PPP2R3A: variants seen among roughly 807,000 people sequenced by gnomAD.
The protein encoded by PPP2R3A is protein phosphatase 2 regulatory subunit B''alpha.
Under a neutral mutation model 106.9 loss-of-function variants are expected in PPP2R3A, and 80 were observed. The ratio of observed to expected loss-of-function variants is 0.75; its 90% CI spans 0.62 to 0.90. The LOEUF (loss-of-function observed/expected upper bound fraction) is 0.90, where lower values mean the gene tolerates loss of function less well. PPP2R3A is among the 40% of genes least tolerant of loss of function. The pLI is 0.00. For synonymous variants in PPP2R3A, 483 were observed against 468.3 expected (o/e 1.03, Z -0.41); for missense variants, 1,386 against 1,350.4 (o/e 1.03, Z -0.41).
chr3:135,984,262 T>C (rs1187504295), intron 1 of PPP2R3A, among the ~76,000 whole-genome samples: 2 of 152,176 alleles, frequency 1.3e-5, no homozygotes, highest in Non-Finnish European at 2.9e-5. Flanking sequence ...AGACATAGTA[T>C]ATGACAAAAG....
At chr3:136,112,722 C>A (rs1289899646) in intron 13 of PPP2R3A, among the ~76,000 whole-genome samples, 1 of 152,142 alleles carries the variant, frequency 6.6e-6, no homozygotes, top group Admixed American at 6.5e-5. Flanking sequence ...TGCTCGTGGA[C>A]AGGAAGAATC....
At chr3:135,999,614 A>G (rs925200306) in intron 1 of PPP2R3A, among the ~76,000 whole-genome samples, 9 of 151,976 alleles carry the variant, frequency 5.9e-5, no homozygotes, top group Non-Finnish European at 1.0e-4. Flanking sequence ...AGTTGGTGCT[A>G]CCCCTTGAGG....
At chr3:136,034,880 A>C (rs764953138) in intron 3 of PPP2R3A, among the ~76,000 whole-genome samples, 8 of 152,052 alleles carry the variant, frequency 5.3e-5, no homozygotes, top group Non-Finnish European at 8.8e-5. Context: ...TCTATTAGTA[A>C]TTGTTTTATA....
At chr3:136,010,805 C>T (rs760630951) in intron 2 of PPP2R3A, among the ~76,000 whole-genome samples, 51 of 152,250 alleles carry the variant, frequency 3.3e-4, no homozygotes, top group Middle Eastern at 3.4e-3. Flanking sequence ...CACAAACACT[C>T]CTGCAGAGAT....
At chr3:136,069,033 A>G (rs1026295659) in intron 5 of PPP2R3A, among the ~76,000 whole-genome samples, 8 of 152,228 alleles carry the variant, frequency 5.3e-5, no homozygotes, top group Non-Finnish European at 1.0e-4. Flanking sequence ...GTAAGGAAAG[A>G]CTAACGAACT....
intron 12 of PPP2R3A, 85 bp downstream of exon 12, chr3:136,103,461 G>T: frequency 1.1e-6 from 1 of 916,686 alleles, no homozygotes; most frequent in Non-Finnish European, 1.6e-6. Context: ...TCTGCATGCT[G>T]GAATTTCGGT....
chr3:136,116,452 T>C (rs529567103), intron 13 of PPP2R3A, among the ~76,000 whole-genome samples: 1 of 152,268 alleles, frequency 6.6e-6, no homozygotes, highest in African/African-American at 2.4e-5. Context: ...ACTGGCAAAT[T>C]GGATAGAGTC....
Position 136,022,859 on chromosome 3 carries a change from G to A in PPP2R3A, c.1996-3973G>A, listed in dbSNP as rs1006437764. On this transcript the variant is annotated intron_variant, in intron 2 of 13. Coordinates refer to ENST00000264977, the MANE Select transcript of PPP2R3A (RefSeq NM_002718.5). ...TGAAAATTATGAGCAGGTATTGGGA[G>A]CCACAGACTGTATTTGGGAACCAGC... The A allele has an allele frequency of 5.9e-6, 8 of 1,349,838 alleles. No individual in the cohort carries two copies. The African/African-American group carries it at 9.0e-5, about 15-fold the overall frequency. 83.6% of individuals were successfully genotyped at this position (1,349,838 alleles called of 1,614,324 possible). A position where few individuals can be genotyped will look rare whatever the true frequency, so the allele number is the denominator to read the frequency against.
chr3:135,973,687 C>G (rs997171894), intron 1 of PPP2R3A, among the ~76,000 whole-genome samples: 1 of 152,096 alleles, frequency 6.6e-6, no homozygotes, highest in African/African-American at 2.4e-5. Context: ...CTTATTGGAC[C>G]AAGAATCCTC....
intron 1 of PPP2R3A, among the ~76,000 whole-genome samples, chr3:135,969,206 A>G (rs1359382223): frequency 1.3e-5 from 2 of 152,216 alleles, no homozygotes; most frequent in East Asian, 1.9e-4. Context: ...AGGAAACAAG[A>G]TTGAGTGTGG....
chr3:136,138,854 G>C (rs1034830718), intron 13 of PPP2R3A, among the ~76,000 whole-genome samples: 7 of 151,522 alleles, frequency 4.6e-5, no homozygotes, highest in Admixed American at 2.6e-4. Context: ...TGGGATTACA[G>C]GCATGCACCA....
intron 5 of PPP2R3A, among the ~76,000 whole-genome samples, chr3:136,069,913 AAAAT>A (rs1483061879): frequency 1.3e-5 from 2 of 152,252 alleles, no homozygotes; most frequent in Non-Finnish European, 2.9e-5. Flanking sequence ...TAAAGATTTA[AAAAT>A]AAATAAAATT....
chr3:136,126,712 G>A (rs1484537981), intron 13 of PPP2R3A, among the ~76,000 whole-genome samples: 1 of 152,214 alleles, frequency 6.6e-6, no homozygotes, highest in Non-Finnish European at 1.5e-5. Context: ...CCCCTGTGTA[G>A]CCTAACGGGG....
intron 3 of PPP2R3A, among the ~76,000 whole-genome samples, chr3:136,039,580 G>GT (rs1307471160): frequency 6.6e-5 from 10 of 152,058 alleles, no homozygotes; most frequent in Admixed American, 5.9e-4. Context: ...GTTCACGATA[G>GT]GGTTCACTCT....
intron 1 of PPP2R3A, among the ~76,000 whole-genome samples, chr3:135,992,368 A>C (rs1335427990): frequency 6.6e-6 from 1 of 152,178 alleles, no homozygotes; most frequent in Non-Finnish European, 1.5e-5. Flanking sequence ...CAAGTGATCC[A>C]CCTAAGTGGC....
At chr3:136,111,423 T>A (rs1325871835) in intron 13 of PPP2R3A, among the ~76,000 whole-genome samples, 1 of 152,074 alleles carries the variant, frequency 6.6e-6, no homozygotes, top group Non-Finnish European at 1.5e-5. Flanking sequence ...TGAAAAAAAT[T>A]GAGTAAAAAC....
chr3:136,084,839 T>C (rs759690057), intron 8 of PPP2R3A, among the ~76,000 whole-genome samples: 96 of 152,368 alleles, frequency 6.3e-4, no homozygotes, highest in Admixed American at 1.8e-3. Flanking sequence ...ATCGGGCCTG[T>C]AGCCCCTTTG....
intron 10 of PPP2R3A, among the ~76,000 whole-genome samples, chr3:136,097,457 CT>C (rs1161899711): frequency 3.3e-5 from 5 of 152,136 alleles, no homozygotes; most frequent in African/African-American, 9.7e-5. Flanking sequence ...CAGTTATGTG[CT>C]TTTGGCAAAT....
intron 3 of PPP2R3A, among the ~76,000 whole-genome samples, chr3:136,034,210 A>AT (rs2107835375): frequency 6.6e-6 from 1 of 151,112 alleles, no homozygotes; most frequent in South Asian, 2.1e-4. Flanking sequence ...TAATTTTTGT[A>AT]TTTTTTAGTA....
Sources: allele counts gnomAD v4.1 joint callset (sites outside exome capture counted in the v4.1 genomes callset), GRCh38; gene constraint gnomAD v4.1.1; transcripts MANE v1.5; gene names NCBI Gene and HGNC (gene_info 2026-07-23, HGNC 2026-07-21).